CCDC141: variants seen among roughly 807,000 people sequenced by gnomAD.
The protein encoded by CCDC141 is coiled-coil domain containing 141, also known as coiled-coil domain-containing protein 141.
CCDC141 carries 168 observed loss-of-function variants against 181.0 expected under a neutral mutation model. The observed-to-expected ratio is 0.93, with a 90% confidence interval of 0.82 to 1.05. The LOEUF is 1.05. Among genes scored for constraint, CCDC141 ranks in the 50% least tolerant of loss-of-function variants. The probability of loss-of-function intolerance (pLI) is 0.00; values close to 1 mark genes in which losing one functional copy is unlikely to be tolerated. For synonymous variants in CCDC141, 666 were observed against 642.3 expected (o/e 1.04, Z -0.56); for missense variants, 1,902 against 1,788.5 (o/e 1.06, Z -1.14).
intron 4 of CCDC141, among the ~76,000 whole-genome samples, chr2:178,969,493 C>T (rs1210924660): frequency 6.6e-6 from 1 of 152,118 alleles, no homozygotes; most frequent in Non-Finnish European, 1.5e-5. Flanking sequence ...TAAACGTAAT[C>T]CATCACATAA....
intron 2 of CCDC141, among the ~76,000 whole-genome samples, chr2:179,035,059 C>T (rs949739044): frequency 1.3e-5 from 2 of 152,102 alleles, no homozygotes; most frequent in Non-Finnish European, 2.9e-5. Context: ...GAACTAAATA[C>T]CCTATTTTCC....
chr2:178,850,404 G>A (rs1034937593), intron 20 of CCDC141, among the ~76,000 whole-genome samples: 12 of 152,178 alleles, frequency 7.9e-5, no homozygotes, highest in African/African-American at 2.9e-4. Flanking sequence ...GTTGCTACAT[G>A]AATAGTCTTA....
chr2:178,956,415 G>T (rs1384849160), intron 5 of CCDC141, among the ~76,000 whole-genome samples: 1 of 152,086 alleles, frequency 6.6e-6, no homozygotes, highest in Non-Finnish European at 1.5e-5. Flanking sequence ...ATCCATCTCA[G>T]CCTCCCAAGT....
intron 2 of CCDC141, among the ~76,000 whole-genome samples, chr2:178,995,081 C>G (rs1433243890): frequency 1.3e-5 from 2 of 152,230 alleles, no homozygotes; most frequent in Non-Finnish European, 2.9e-5. Flanking sequence ...GTCTATTACC[C>G]AGTTCCAAAG....
At chr2:179,004,160 T>C (rs1224616722) in intron 2 of CCDC141, among the ~76,000 whole-genome samples, 4 of 152,168 alleles carry the variant, frequency 2.6e-5, no homozygotes, top group African/African-American at 9.6e-5. Flanking sequence ...AAAATAAGAA[T>C]GAAATGTTGC....
chr2:178,816,109 T>C, the CCDC141 span, among the ~76,000 whole-genome samples: 10 of 152,196 alleles, frequency 6.6e-5, no homozygotes, highest in African/African-American at 1.9e-4. Flanking sequence ...TGGGTTTCGA[T>C]TGATGTTTAA....
intron 6 of CCDC141, among the ~76,000 whole-genome samples, chr2:178,919,520 G>A (rs13012653): frequency 0.4 from 60,189 of 151,950 alleles, 13,918 homozygotes; most frequent in Non-Finnish European, 0.54. Context: ...CTGAATACAG[G>A]TCACTTCCAT....
rs1217317027 is a variant in CCDC141, at chr2:178,944,530, C to T, written c.897+5G>A. On this transcript the variant is annotated splice_donor_5th_base_variant and intron_variant, in intron 6 of 23. Coordinates refer to ENST00000443758, the MANE Select transcript of CCDC141 (RefSeq NM_173648.4). Reference sequence around the variant, plus strand: ...TATTTTTAGTGTGTCTAATATATCTCTTACCTTTGCTTTTATTATCAGTTC... The same window carrying T: ...TATTTTTAGTGTGTCTAATATATCTTTTACCTTTGCTTTTATTATCAGTTC... 2.1e-6 allele frequency: 3 copies of T among 1,402,182 alleles called. No individual in the cohort carries two copies. Among genetic ancestry groups the T allele is most frequent in the Non-Finnish European group, 2.9e-6 (3 of 1,031,684 alleles). The allele number at this position is 1,402,182 out of a possible 1,614,324, so 86.9% of individuals were successfully genotyped here. A position where few individuals can be genotyped will look rare whatever the true frequency, so the allele number is the denominator to read the frequency against.
chr2:179,025,871 T>A (rs13001799), intron 2 of CCDC141, among the ~76,000 whole-genome samples: 1 of 152,106 alleles, frequency 6.6e-6, no homozygotes, highest in Non-Finnish European at 1.5e-5. Context: ...TGAGAACTTA[T>A]TGTGTTTTAG....
intron 5 of CCDC141, among the ~76,000 whole-genome samples, chr2:178,959,503 A>T (rs1350306117): frequency 6.6e-6 from 1 of 152,162 alleles, no homozygotes; most frequent in Non-Finnish European, 1.5e-5. Context: ...CAGTTGTCTT[A>T]CAATTTTAAG....
chr2:178,916,835 T>C (rs1575213400), intron 7 of CCDC141, among the ~76,000 whole-genome samples: 1 of 152,264 alleles, frequency 6.6e-6, no homozygotes, highest in East Asian at 1.9e-4. Flanking sequence ...ATGGGGAATC[T>C]AGAAATCGAA....
intron 20 of CCDC141, among the ~76,000 whole-genome samples, chr2:178,851,439 T>C (rs916341607): frequency 6.6e-6 from 1 of 152,046 alleles, no homozygotes; most frequent in Non-Finnish European, 1.5e-5. Context: ...GGTGGTTAAA[T>C]TAAAATGAGG....
In CCDC141 at chr2:178,838,841, C is replaced by T. The variant is rs112184028; in HGVS notation, c.3475-1097G>A. ...TCTGCTTCCACTGTCCTAGTCTAAT[C>T]CACATCCATCTCTGGTTTAAGAAGA... On this transcript the variant is annotated intron_variant, in intron 22 of 23. Coordinates refer to ENST00000443758, the MANE Select transcript of CCDC141 (RefSeq NM_173648.4). Among the ~76,000 whole-genome samples the T allele has an allele frequency of 7.2e-5, 11 of 152,314 alleles. 1 individual carries two copies. The highest frequency in any genetic ancestry group is 2.6e-4 in the African/African-American group (11 of 41,580).
chr2:178,932,255 T>C (rs1689129911), intron 6 of CCDC141, among the ~76,000 whole-genome samples: 1 of 152,136 alleles, frequency 6.6e-6, no homozygotes, highest in Non-Finnish European at 1.5e-5. Context: ...GTAAATTAGG[T>C]ACAATTGTTA....
intron 8 of CCDC141, 67 bp from the exon 9 acceptor site, chr2:178,888,735 G>A: frequency 1.3e-6 from 2 of 1,512,322 alleles, no homozygotes; most frequent in South Asian, 2.4e-5. Flanking sequence ...TTTGAAAACA[G>A]ATCTGCTCTC....
chr2:178,965,648 C>T lies in CCDC141; in HGVS notation c.527-4165G>A, dbSNP rs566340535. On this transcript the variant is annotated intron_variant, in intron 4 of 23. Transcript: ENST00000443758. The stretch of plus-strand genomic sequence containing the variant: ...ACCAGGAGATTCCCTCCAGTGCCCA[C>T]CCCACCAGGGCCCTGGGTTTCAAGC... Among the ~76,000 whole-genome samples the T allele has an allele frequency of 7.5e-4, 115 of 152,346 alleles. 1 individual carries two copies. The Middle Eastern group carries it at 0.014, about 18-fold the overall frequency.
chr2:178,943,780 T>C (rs1010211843), intron 6 of CCDC141, among the ~76,000 whole-genome samples: 5 of 152,118 alleles, frequency 3.3e-5, no homozygotes, highest in African/African-American at 1.2e-4. Context: ...ATAAACGCAC[T>C]GATTTTCAAA....
rs552001918 is a variant in CCDC141 at position 178,849,023 on chromosome 2, TA to T, written c.3357+1025del. On this transcript the variant is annotated intron_variant, in intron 21 of 23. Transcript: ENST00000443758. ...AGTGTTATTTAAAATGGTAAAATGG[TA>T]AAAAAAAATCTAGATTTTTAACCAA... Among the ~76,000 whole-genome samples, 568 of 151,450 alleles carry T rather than the reference TA, an allele frequency of 3.8e-3. 2 individuals carry two copies. The highest frequency in any genetic ancestry group is 6.0e-3 in the Non-Finnish European group (404 of 67,798).
At chr2:178,936,362 C>A (rs1689290175) in intron 6 of CCDC141, among the ~76,000 whole-genome samples, 1 of 152,056 alleles carries the variant, frequency 6.6e-6, no homozygotes, top group Non-Finnish European at 1.5e-5. Flanking sequence ...AGTCTTTACC[C>A]TATCACTTGT....
Sources: gnomAD v4.1 joint callset for allele counts (sites outside exome capture counted in the v4.1 genomes callset) on GRCh38, gnomAD v4.1.1 for gene constraint, MANE v1.5 for transcripts, NCBI Gene and HGNC (gene_info 2026-07-23, HGNC 2026-07-21) for gene names.